The following PCNX1 variants were observed in gnomAD, a reference collection of about 807,000 sequenced individuals.
PCNX1 encodes pecanex 1.
Under a neutral mutation model 242.2 loss-of-function variants are expected in PCNX1, and 78 were observed. The ratio of observed to expected loss-of-function variants is 0.32; its 90% confidence interval spans 0.27 to 0.39. The LOEUF (loss-of-function observed/expected upper bound fraction) is 0.39, where lower values mean the gene tolerates loss of function less well. PCNX1 is among the 10% of genes least tolerant of loss of function. The pLI is 1.00. For synonymous variants in PCNX1, 1,024 were observed against 1,032.9 expected (o/e 0.99, Z 0.17); for missense variants, 2,581 against 2,856.5 (o/e 0.90, Z 2.20).
At chr14:70,935,781 TAGCAAAA>T (rs1310814903) in intron 1 of PCNX1, among the ~76,000 whole-genome samples, 6 of 152,190 alleles carry the variant, frequency 3.9e-5, no homozygotes, top group Non-Finnish European at 7.3e-5. Flanking sequence ...GTGTGGTATA[TAGCAAAA>T]TAGGCACTGA....
intron 8 of PCNX1, among the ~76,000 whole-genome samples, chr14:71,008,193 G>A (rs919653166): frequency 7.2e-5 from 11 of 152,018 alleles, no homozygotes; most frequent in Non-Finnish European, 1.6e-4. Flanking sequence ...ATGAAGTAAT[G>A]CTTGAGATGT....
intron 30 of PCNX1, among the ~76,000 whole-genome samples, chr14:71,094,800 C>CTTATA (rs1447898141): frequency 6.6e-6 from 1 of 152,128 alleles, no homozygotes; most frequent in East Asian, 1.9e-4. Context: ...GGCAAGGTAT[C>CTTATA]GCATGCCTTT....
chr14:70,936,662 G>C (rs906406150), intron 1 of PCNX1, among the ~76,000 whole-genome samples: 1 of 152,192 alleles, frequency 6.6e-6, no homozygotes, highest in African/African-American at 2.4e-5. Flanking sequence ...TGGGATGGCT[G>C]GGTCAAATGG....
intron 1 of PCNX1, among the ~76,000 whole-genome samples, chr14:70,910,042 CT>C (rs2055762252): frequency 2.3e-5 from 2 of 88,474 alleles, no homozygotes; most frequent in African/African-American, 4.5e-5. Flanking sequence ...CCTCCTCCTC[CT>C]CCTCCTCCTC....
rs2062580923 is a variant in PCNX1 at position 71,105,295 on chromosome 14, T to C, written c.6156T>C (p.Thr2052=). Residue 2052 remains threonine (T), a synonymous_variant, in exon 33 of 36, where the codon ACT becomes ACC. Coordinates refer to ENST00000304743, the MANE Select transcript of PCNX1 (RefSeq NM_014982.3). Reference sequence around the variant, plus strand: ...GTGGCAATATTGAAGATTCTGATACTGGAGGTGGGACTTCCTGCACTGGTA... The same window carrying C: ...GTGGCAATATTGAAGATTCTGATACCGGAGGTGGGACTTCCTGCACTGGTA... ...NSGGNIEDSD[T]GGGTSCTGNN... 6.2e-7 allele frequency: 1 copy of C among 1,614,090 alleles called. No individual in the cohort carries two copies. Among genetic ancestry groups the C allele is most frequent in the Non-Finnish European group, 8.5e-7 (1 of 1,179,954 alleles).
intron 3 of PCNX1, among the ~76,000 whole-genome samples, chr14:70,965,588 G>A (rs1042016683): frequency 5.3e-5 from 8 of 151,516 alleles, no homozygotes; most frequent in East Asian, 1.9e-4. Context: ...GCTTGAACCC[G>A]GGAGGTGGAG....
At chr14:70,979,264 A>G (rs1475711115) in intron 6 of PCNX1, among the ~76,000 whole-genome samples, 2 of 152,174 alleles carry the variant, frequency 1.3e-5, no homozygotes, top group Non-Finnish European at 2.9e-5. Context: ...TTTGTAGTTT[A>G]TATTGACATT....
intron 1 of PCNX1, among the ~76,000 whole-genome samples, chr14:70,944,062 A>G (rs2140280010): frequency 6.6e-6 from 1 of 152,326 alleles, no homozygotes; most frequent in African/African-American, 2.4e-5. Context: ...AACATCTGCT[A>G]GGGCACTGTG....
At chr14:71,067,052 A>G (rs1258000282) in intron 26 of PCNX1, among the ~76,000 whole-genome samples, 3 of 151,054 alleles carry the variant, frequency 2.0e-5, no homozygotes, top group Non-Finnish European at 4.4e-5. Context: ...TTCATCAGGT[A>G]TATTGGCCTG....
chr14:70,943,925 T>G (rs1369140997), intron 1 of PCNX1, among the ~76,000 whole-genome samples: 1 of 152,192 alleles, frequency 6.6e-6, no homozygotes, highest in Non-Finnish European at 1.5e-5. Flanking sequence ...ACATGTGGTG[T>G]TGGTCCTGTG....
chr14:71,009,771 C>T, intron 9 of PCNX1, 47 bp downstream of exon 9: 2 of 1,142,228 alleles, frequency 1.8e-6, no homozygotes, highest in African/African-American at 1.5e-5. Flanking sequence ...CATATGTTTG[C>T]CATATTTAAT....
intron 11 of PCNX1, 49 bp from the exon 12 acceptor site, chr14:71,018,960 A>G (rs775829212): frequency 6.8e-7 from 1 of 1,466,624 alleles, no homozygotes; most frequent in South Asian, 1.3e-5. Context: ...CCATTTGGTT[A>G]ATTTCTTATA....
chr14:71,076,850 C>T (rs139227862), intron 28 of PCNX1, among the ~76,000 whole-genome samples: 1,928 of 152,350 alleles, frequency 0.013, 21 homozygotes, highest in Non-Finnish European at 0.021. Flanking sequence ...AATATGCTGT[C>T]ACTGCCACAT....
intron 14 of PCNX1, 89 bp from the exon 15 acceptor site, chr14:71,026,683 T>G: frequency 1.9e-6 from 1 of 537,954 alleles, no homozygotes. Flanking sequence ...TTATGTTAAT[T>G]TGGGATTTTT....
In PCNX1 at chr14:70,921,567, A is replaced by C. The variant is rs369309990; in HGVS notation, c.153+13564A>C. On this transcript the variant is annotated intron_variant, in intron 1 of 35. Transcript: ENST00000304743. ...AATATGCTTTGTTACCAAAAATCTT[A>C]CTTTACTCCCTTAATGTCACAGTAT... Among the ~76,000 whole-genome samples, 551 of 152,256 alleles carry C rather than the reference A, an allele frequency of 3.6e-3. 1 individual carries two copies. Among genetic ancestry groups the C allele is most frequent in the African/African-American group, 0.013 (534 of 41,570 alleles).
Position 70,978,420 on chromosome 14 carries a change from A to G in PCNX1, c.2083A>G (p.Ser695Gly), listed in dbSNP as rs757415607. 6.2e-7 allele frequency: 1 copy of G among 1,614,216 alleles called. No individual in the cohort carries two copies. Among genetic ancestry groups the G allele is most frequent in the Admixed American group, 1.7e-5 (1 of 60,028 alleles). Residue 695 changes from serine to glycine, a missense_variant, in exon 6 of 36, where the codon AGT becomes GGT. Physicochemically the swap from Ser to Gly is moderately conservative, Grantham distance 56 (BLOSUM62 0). This residue lies in a region of PCNX1 where 1,204 missense variants were observed against 1,216.7 expected (regional missense o/e 0.99). Coordinates refer to ENST00000304743, the MANE Select transcript of PCNX1 (RefSeq NM_014982.3). Reference protein sequence around the residue: ...KTRARVLSLDSGTVACLNDSN... With the variant: ...KTRARVLSLDGGTVACLNDSN... ...TCGTGCCCGAGTGTTGAGCCTGGACAGTGGCACAGTAGCATGTTTGAATGA... is the reference window on the plus strand; with the variant it reads ...TCGTGCCCGAGTGTTGAGCCTGGACGGTGGCACAGTAGCATGTTTGAATGA...
At chr14:71,012,904 A>T in intron 10 of PCNX1, 81 bp from the exon 11 acceptor site, 1 of 910,738 alleles carries the variant, frequency 1.1e-6, no homozygotes. Flanking sequence ...CTGTTGAATT[A>T]TGAAGATATT....
chr14:71,051,266 G>A (rs1475940667), intron 23 of PCNX1, among the ~76,000 whole-genome samples: 2 of 148,314 alleles, frequency 1.3e-5, no homozygotes, highest in African/African-American at 2.5e-5. Context: ...GTGGCCCACA[G>A]ATCATCTGAA....
intron 2 of PCNX1, among the ~76,000 whole-genome samples, chr14:70,949,030 G>T (rs370596051): frequency 1.4e-5 from 2 of 145,482 alleles, no homozygotes; most frequent in Non-Finnish European, 3.0e-5. Context: ...AAATGTGTGT[G>T]TATATATACA....
Sources: allele counts gnomAD v4.1 joint callset (sites outside exome capture counted in the v4.1 genomes callset), GRCh38; gene constraint gnomAD v4.1.1; regional missense constraint gnomAD v4.1.1; transcripts MANE v1.5; gene names NCBI Gene and HGNC (gene_info 2026-07-23, HGNC 2026-07-21).